The following EGFLAM variants were observed in gnomAD, a reference collection of about 807,000 sequenced individuals.
EGFLAM encodes the protein pikachurin.
A neutral mutation model predicts 113.1 loss-of-function variants in EGFLAM; 79 were observed. The ratio of observed to expected loss-of-function variants is 0.70; its 90% CI spans 0.58 to 0.84. EGFLAM has a LOEUF of 0.84. Among genes scored for constraint, EGFLAM ranks in the 40% least tolerant of loss-of-function variants. The pLI is 0.00. For synonymous variants in EGFLAM, 504 were observed against 487.6 expected (o/e 1.03, Z -0.44); for missense variants, 1,265 against 1,291.6 (o/e 0.98, Z 0.32).
intron 6 of EGFLAM, among the ~76,000 whole-genome samples, chr5:38,386,218 TTTG>T (rs938762898): frequency 2.7e-4 from 41 of 152,250 alleles, no homozygotes; most frequent in African/African-American, 8.9e-4. Flanking sequence ...TCACAAATAC[TTTG>T]TTGTTGTTGT....
At chr5:38,398,989 A>T (rs930353255) in intron 6 of EGFLAM, among the ~76,000 whole-genome samples, 1 of 152,238 alleles carries the variant, frequency 6.6e-6, no homozygotes, top group Non-Finnish European at 1.5e-5. Context: ...GATGATAAGG[A>T]TGAAGATGAA....
intron 12 of EGFLAM, among the ~76,000 whole-genome samples, chr5:38,422,316 C>T (rs1741853646): frequency 6.6e-6 from 1 of 152,120 alleles, no homozygotes; most frequent in South Asian, 2.1e-4. Flanking sequence ...ACCTCTCCTC[C>T]CCATCACTCT....
chr5:38,344,851 G>T (rs572515629), intron 3 of EGFLAM, among the ~76,000 whole-genome samples: 49 of 152,304 alleles, frequency 3.2e-4, no homozygotes, highest in Middle Eastern at 3.4e-3. Flanking sequence ...TATCTCAAAA[G>T]TTGGCCTCAG....
chr5:38,462,118 G>A (rs1743300124), intron 20 of EGFLAM, among the ~76,000 whole-genome samples: 2 of 152,248 alleles, frequency 1.3e-5, no homozygotes. Flanking sequence ...GCAGTGAGCC[G>A]AGATCGCGCC....
intron 1 of EGFLAM, among the ~76,000 whole-genome samples, chr5:38,295,071 C>T (rs1758421258): frequency 6.6e-6 from 1 of 152,142 alleles, no homozygotes; most frequent in African/African-American, 2.4e-5. Flanking sequence ...AGGTGATCTA[C>T]CCACCTTGGC....
intron 12 of EGFLAM, among the ~76,000 whole-genome samples, 174 bp downstream of exon 12, chr5:38,418,429 G>A (rs549959037): frequency 6.6e-6 from 1 of 152,326 alleles, no homozygotes; most frequent in Non-Finnish European, 1.5e-5. Flanking sequence ...GTGCTCTGCA[G>A]ACATGCTGCT....
intron 6 of EGFLAM, among the ~76,000 whole-genome samples, chr5:38,401,439 A>G (rs1054928966): frequency 6.6e-6 from 1 of 152,206 alleles, no homozygotes; most frequent in Non-Finnish European, 1.5e-5. Context: ...TTTTAAGTCA[A>G]TTCTTTTCTG....
At chr5:38,396,091 A>G (rs1047023662) in intron 6 of EGFLAM, among the ~76,000 whole-genome samples, 1 of 136,518 alleles carries the variant, frequency 7.3e-6, no homozygotes. Context: ...TCTTCAACCC[A>G]TCCCAACCTG....
intron 18 of EGFLAM, among the ~76,000 whole-genome samples, chr5:38,450,266 G>A (rs1485274430): frequency 6.6e-6 from 1 of 152,172 alleles, no homozygotes; most frequent in Non-Finnish European, 1.5e-5. Flanking sequence ...AGGTCTCTAG[G>A]GAATGGGTCA....
chr5:38,276,093 C>T (rs1427136471), intron 1 of EGFLAM, among the ~76,000 whole-genome samples: 1 of 152,132 alleles, frequency 6.6e-6, no homozygotes, highest in Non-Finnish European at 1.5e-5. Flanking sequence ...CTGGGGAAGC[C>T]TCATAATCAT....
chr5:38,362,447 G>A (rs1297451392), intron 5 of EGFLAM, among the ~76,000 whole-genome samples: 1 of 152,118 alleles, frequency 6.6e-6, no homozygotes, highest in Non-Finnish European at 1.5e-5. Context: ...AGTTAGAATT[G>A]AAAATATTTA....
intron 1 of EGFLAM, among the ~76,000 whole-genome samples, chr5:38,301,699 T>C (rs1758583742): frequency 6.6e-6 from 1 of 152,082 alleles, no homozygotes; most frequent in East Asian, 1.9e-4. Flanking sequence ...GCTTGGGTCA[T>C]GGAGCTTGAA....
At chr5:38,331,954 C>A (rs546034002) in intron 1 of EGFLAM, among the ~76,000 whole-genome samples, 1 of 152,302 alleles carries the variant, frequency 6.6e-6, no homozygotes, top group South Asian at 2.1e-4. Flanking sequence ...AACGAGTGCA[C>A]ATGCCAGTGG....
At chr5:38,367,898 C>T (rs1561050951) in intron 5 of EGFLAM, among the ~76,000 whole-genome samples, 1 of 152,222 alleles carries the variant, frequency 6.6e-6, no homozygotes, top group African/African-American at 2.4e-5. Flanking sequence ...GAGCTTGTCT[C>T]TCTCACTCTA....
chr5:38,307,896 G>A (rs1341645425), intron 1 of EGFLAM, among the ~76,000 whole-genome samples: 1 of 152,204 alleles, frequency 6.6e-6, no homozygotes, highest in East Asian at 1.9e-4. Flanking sequence ...TCCAGCCTGA[G>A]GGGTGGGCAT....
rs139513688 is a variant in EGFLAM at position 38,276,785 on chromosome 5, A to G, written c.97+17934A>G. 3.5e-3 allele frequency among the ~76,000 whole-genome samples: 540 copies of G among 152,288 alleles called. 5 individuals carry two copies. Among genetic ancestry groups the G allele is most frequent in the African/African-American group, 0.012 (511 of 41,570 alleles). On this transcript the variant is annotated intron_variant, in intron 1 of 21. Coordinates refer to ENST00000322350, the MANE Select transcript of EGFLAM (RefSeq NM_152403.4). The stretch of plus-strand genomic sequence containing the variant: ...CAAAGATCACAAGAGACTCCTATAA[A>G]TAATTATACACCAACAAATTGGACA...
intron 1 of EGFLAM, among the ~76,000 whole-genome samples, chr5:38,288,246 A>G (rs1758218253): frequency 6.6e-6 from 1 of 152,230 alleles, no homozygotes. Flanking sequence ...ATATGTGGTA[A>G]GGCTGTTTTA....
rs779601446 is a variant in EGFLAM at position 38,370,425 on chromosome 5, C to A, written c.675C>A (p.Ser225Arg). 1.2e-6 allele frequency: 2 copies of A among 1,614,106 alleles called. No individual in the cohort carries two copies. Among genetic ancestry groups the A allele is most frequent in the South Asian group, 1.1e-5 (1 of 91,068 alleles). The part of the protein sequence containing the change: ...AVRAMNSHGP[S>R]PRSWPSDIIR... Reference sequence around the variant, plus strand: ...GGGCAATGAATTCCCATGGCCCCAGCCCCCGCAGCTGGCCCAGTGACATCA... The same window carrying A: ...GGGCAATGAATTCCCATGGCCCCAGACCCCGCAGCTGGCCCAGTGACATCA... The change falls in exon 6 of 22, where the codon AGC becomes AGA. Residue 225 changes from serine (S) to arginine (R), a missense_variant. By Grantham distance (110) the Ser-to-Arg change is moderately radical. Coordinates refer to ENST00000322350, the MANE Select transcript of EGFLAM (RefSeq NM_152403.4).
At chr5:38,401,595 C>A (rs945073183) in intron 6 of EGFLAM, among the ~76,000 whole-genome samples, 1 of 152,196 alleles carries the variant, frequency 6.6e-6, no homozygotes, top group East Asian at 1.9e-4. Context: ...AGGCAGAGTC[C>A]CACCATGTTG....
Sources: allele counts gnomAD v4.1 joint callset (sites outside exome capture counted in the v4.1 genomes callset), GRCh38; gene constraint gnomAD v4.1.1; transcripts MANE v1.5; gene names NCBI Gene and HGNC (gene_info 2026-07-23, HGNC 2026-07-21).